The following CALN1 variants were observed in gnomAD, a reference collection of about 807,000 sequenced individuals.
The protein encoded by CALN1 is calneuron 1.
In CALN1, 17 loss-of-function variants were observed where a neutral mutation model predicts 30.6. That is an observed-to-expected ratio of 0.56 (90% CI 0.38 to 0.83). CALN1 has a LOEUF of 0.83. CALN1 is among the 40% of genes least tolerant of loss of function. The pLI, the probability that CALN1 is intolerant of heterozygous loss-of-function variation, is 0.00. For synonymous variants in CALN1, 156 were observed against 131.4 expected (o/e 1.19, Z -1.28); for missense variants, 291 against 354.9 (o/e 0.82, Z 1.45).
chr7:72,128,691 C>T (rs1222947121), intron 3 of CALN1, among the ~76,000 whole-genome samples: 7 of 152,090 alleles, frequency 4.6e-5, no homozygotes, highest in Non-Finnish European at 1.0e-4. Flanking sequence ...CCCAACATGG[C>T]GAAGCCCCAT....
intron 2 of CALN1, among the ~76,000 whole-genome samples, chr7:72,310,647 T>C (rs1799975093): frequency 6.6e-6 from 1 of 151,986 alleles, no homozygotes; most frequent in Non-Finnish European, 1.5e-5. Flanking sequence ...CTCATGCCTA[T>C]AATCCCAGCA....
intron 2 of CALN1, among the ~76,000 whole-genome samples, chr7:72,316,144 T>G (rs1273794794): frequency 5.3e-5 from 6 of 113,398 alleles, no homozygotes; most frequent in African/African-American, 1.8e-4. Flanking sequence ...GATTATGTCT[T>G]TAAAAAAAAA....
At chr7:72,317,242 G>A (rs1422782506) in intron 2 of CALN1, among the ~76,000 whole-genome samples, 1 of 114,314 alleles carries the variant, frequency 8.7e-6, no homozygotes, top group Admixed American at 9.8e-5. Context: ...GAGAAGGAAG[G>A]AAGGAGAGAG....
At chr7:72,301,933 G>A (rs2129555688) in intron 2 of CALN1, among the ~76,000 whole-genome samples, 1 of 152,170 alleles carries the variant, frequency 6.6e-6, no homozygotes, top group East Asian at 1.9e-4. Flanking sequence ...TCACCGACAA[G>A]CAGGACAGAA....
chr7:72,088,491 G>C (rs926495906), intron 4 of CALN1, among the ~76,000 whole-genome samples: 6 of 152,042 alleles, frequency 3.9e-5, no homozygotes, highest in African/African-American at 1.4e-4. Flanking sequence ...CTGAGGTCAG[G>C]AGTTGGAGAC....
At chr7:72,263,831 G>A (rs1476876730) in intron 3 of CALN1, among the ~76,000 whole-genome samples, 2 of 152,088 alleles carry the variant, frequency 1.3e-5, no homozygotes, top group African/African-American at 2.4e-5. Context: ...TTGTTCCCAG[G>A]GATAAGCATG....
At chr7:71,799,609 G>T (rs568702181) in intron 6 of CALN1, among the ~76,000 whole-genome samples, 16 of 151,966 alleles carry the variant, frequency 1.1e-4, no homozygotes, top group Admixed American at 2.6e-4. Context: ...GCGATTACAG[G>T]TGCCCGCCAC....
the CALN1 span, among the ~76,000 whole-genome samples, chr7:72,487,734 A>AAAGAAAGTAAGGAAGG: frequency 1.8e-5 from 1 of 56,572 alleles, no homozygotes; most frequent in Admixed American, 1.8e-4. Flanking sequence ...AGAAAGAAAG[A>AAAGAAAGTAAGGAAGG]AAGGAAGGAA....
chr7:72,458,234 T>C, the CALN1 span, among the ~76,000 whole-genome samples: 1 of 105,776 alleles, frequency 9.5e-6, no homozygotes, highest in African/African-American at 3.6e-5. Flanking sequence ...TATAATATAT[T>C]CTATATTATA....
chr7:72,008,433 C>A, intron 5 of CALN1, among the ~76,000 whole-genome samples: 2 of 150,500 alleles, frequency 1.3e-5, no homozygotes, highest in African/African-American at 2.4e-5. Context: ...AAAAAGAAAA[C>A]TAAATAAAAT....
intron 5 of CALN1, among the ~76,000 whole-genome samples, chr7:71,896,390 C>T (rs796593367): frequency 3.9e-5 from 6 of 152,210 alleles, no homozygotes; most frequent in African/African-American, 1.4e-4. Context: ...TCAGCACTTC[C>T]TCATGTTTAA....
At chr7:72,176,976 G>A (rs376353614) in intron 3 of CALN1, among the ~76,000 whole-genome samples, 56 of 152,060 alleles carry the variant, frequency 3.7e-4, no homozygotes, top group Admixed American at 7.2e-4. Flanking sequence ...AAACAGTAGC[G>A]GCTGAGTGGA....
chr7:72,090,708 A>T (rs970998503), intron 4 of CALN1, among the ~76,000 whole-genome samples: 2 of 152,214 alleles, frequency 1.3e-5, no homozygotes, highest in Non-Finnish European at 2.9e-5. Context: ...TGGATTTTTT[A>T]AAATGTGGCA....
rs577356928 is a variant in CALN1 at position 72,025,099 on chromosome 7, T to C, written c.389-1330A>G. 3.2e-4 allele frequency among the ~76,000 whole-genome samples: 49 copies of C among 152,158 alleles called. 1 individual carries two copies. In the South Asian group the frequency reaches 9.8e-3, roughly 30 times the overall value. On this transcript the variant is annotated intron_variant, in intron 4 of 6. Coordinates refer to ENST00000395275, the MANE Select transcript of CALN1 (RefSeq NM_031468.4). ...GCCGAGGTGGGTGGATGACCTGAGG[T>C]CAGGAGTTCTTGACCAGCCTGACCA...
intron 5 of CALN1, among the ~76,000 whole-genome samples, chr7:71,990,305 G>A (rs1272043527): frequency 1.3e-5 from 2 of 152,098 alleles, no homozygotes; most frequent in African/African-American, 4.8e-5. Context: ...CTAAAAAGGG[G>A]AGGAACCCTC....
intron 4 of CALN1, among the ~76,000 whole-genome samples, chr7:72,083,028 C>A (rs563674857): frequency 6.6e-6 from 1 of 152,128 alleles, no homozygotes; most frequent in Admixed American, 6.5e-5. Context: ...TGGCGAAACC[C>A]TGTCTCTATT....
chr7:72,092,911 CTT>C (rs1399812688), intron 4 of CALN1, among the ~76,000 whole-genome samples: 3 of 152,144 alleles, frequency 2.0e-5, no homozygotes, highest in African/African-American at 2.4e-5. Context: ...TGCCACAACT[CTT>C]GAGTGAGGAT....
At chr7:72,490,177 G>A in the CALN1 span, among the ~76,000 whole-genome samples, 38 of 152,242 alleles carry the variant, frequency 2.5e-4, no homozygotes, top group African/African-American at 7.7e-4. Context: ...AGAAATGGTC[G>A]TCTATAGTGT....
At chr7:72,083,787 C>T (rs541392105) in intron 4 of CALN1, among the ~76,000 whole-genome samples, 13 of 151,408 alleles carry the variant, frequency 8.6e-5, no homozygotes, top group Admixed American at 6.6e-4. Context: ...GGCATGGTGG[C>T]ATATGCCTGT....
Sources: allele counts gnomAD v4.1 joint callset (sites outside exome capture counted in the v4.1 genomes callset), GRCh38; gene constraint gnomAD v4.1.1; transcripts MANE v1.5; gene names NCBI Gene and HGNC (gene_info 2026-07-23, HGNC 2026-07-21).